The following ABHD5 variants were observed in gnomAD, a reference collection of about 807,000 sequenced individuals.
ABHD5 encodes 1-acylglycerol-3-phosphate O-acyltransferase ABHD5.
A neutral mutation model predicts 44.9 loss-of-function variants in ABHD5; 30 were observed. That is an observed-to-expected ratio of 0.67 (90% CI 0.50 to 0.91). The LOEUF is 0.91. ABHD5 is among the 40% of genes least tolerant of loss of function. The pLI is 0.00. For missense variants in ABHD5, 399 were observed against 423.4 expected (o/e 0.94, Z 0.50); for synonymous variants, 167 against 147.0 (o/e 1.14, Z -0.99).
In ABHD5 at chr3:43,704,273, A is replaced by G. The variant is rs192017452; in HGVS notation, c.506+1686A>G. ...AGGCTGGTCTCAAACTCTTGACCTC[A>G]GGAGATCCGCCTGCCTTGGCCTCCC... On this transcript the variant is annotated intron_variant, in intron 3 of 6. Coordinates refer to ENST00000644371, the MANE Select transcript of ABHD5 (RefSeq NM_016006.6). 2.5e-3 allele frequency among the ~76,000 whole-genome samples: 384 copies of G among 152,256 alleles called. 2 individuals carry two copies. The highest frequency in any genetic ancestry group is 9.8e-3 in the South Asian group (47 of 4,818).
chr3:43,700,135 CTT>C (rs1336425753), intron 2 of ABHD5, among the ~76,000 whole-genome samples: 1 of 152,178 alleles, frequency 6.6e-6, no homozygotes, highest in African/African-American at 2.4e-5. Flanking sequence ...GGACAAGTCA[CTT>C]TGCTCAGCTT....
At chr3:43,700,826 G>A (rs1001452283) in intron 2 of ABHD5, among the ~76,000 whole-genome samples, 6 of 151,894 alleles carry the variant, frequency 4.0e-5, no homozygotes, top group South Asian at 2.1e-4. Context: ...CACCTGCCTC[G>A]GCCTCCCAAA....
At chr3:43,731,158 T>C (rs1409263613) in intron 7 of ABHD5, among the ~76,000 whole-genome samples, 1 of 152,146 alleles carries the variant, frequency 6.6e-6, no homozygotes, top group Non-Finnish European at 1.5e-5. Context: ...TGAATTTCCT[T>C]GTGGCCCCAG....
intron 3 of ABHD5, among the ~76,000 whole-genome samples, chr3:43,704,776 T>G (rs1057440576): frequency 2.1e-4 from 32 of 152,200 alleles, no homozygotes; most frequent in African/African-American, 6.8e-4. Context: ...CTAATAATAT[T>G]TTAGAAAATG....
rs764343486 is a variant in ABHD5, at chr3:43,714,928, T to G, written c.662-19T>G. 1.9e-6 allele frequency: 3 copies of G among 1,570,536 alleles called. No homozygotes were observed. The highest frequency in any genetic ancestry group is 2.6e-6 in the Non-Finnish European group (3 of 1,140,996). On this transcript the variant is annotated intron_variant, in intron 4 of 6. Coordinates refer to ENST00000644371, the MANE Select transcript of ABHD5 (RefSeq NM_016006.6). ...ACTATAATTTAAAACATGCATTTTT[T>G]AAATTTCCTGTTAAATAGGTTTAAG...
In ABHD5 at chr3:43,721,427, G is replaced by A. The variant is rs769145015; in HGVS notation, c.*2895G>A. On this transcript the variant is annotated 3_prime_UTR_variant, in exon 7 of 7. Transcript: ENST00000644371. ...AAATTCAGAAGCAATAAAAAGAGAA[G>A]TCTATAGAAGAATTTTCAGCCAGAT... The A allele has an allele frequency of 7.9e-5, 12 of 151,968 alleles. No individual in the cohort carries two copies. The highest frequency in any genetic ancestry group is 1.6e-4 in the Non-Finnish European group (11 of 67,990). 9.4% of individuals were successfully genotyped at this position (151,968 alleles called of 1,614,324 possible). A position where few individuals can be genotyped will look rare whatever the true frequency, so the allele number is the denominator to read the frequency against.
chr3:43,694,295 T>C (rs1350143237), intron 1 of ABHD5, among the ~76,000 whole-genome samples: 1 of 151,540 alleles, frequency 6.6e-6, no homozygotes, highest in African/African-American at 2.4e-5. Context: ...GTTCTTCCTC[T>C]TGAAACATTA....
Position 43,719,032 on chromosome 3 carries a change from A to T in ABHD5, c.*500A>T, listed in dbSNP as rs539522541. 1.3e-5 allele frequency: 2 copies of T among 154,200 alleles called. No individual in the cohort carries two copies. Among genetic ancestry groups the T allele is most frequent in the African/African-American group, 4.8e-5 (2 of 41,594 alleles). The allele number at this position is 154,200 out of a possible 1,614,324, so 9.6% of individuals were successfully genotyped here. ...TGTAAAAATTTGTCAGTTGTTTAGA[A>T]TATTTCACTTTGTTTTTGAAACGGA... On this transcript the variant is annotated 3_prime_UTR_variant, in exon 7 of 7. Transcript: ENST00000644371.
intron 3 of ABHD5, among the ~76,000 whole-genome samples, chr3:43,708,784 CT>C (rs1365875073): frequency 6.6e-6 from 1 of 152,110 alleles, no homozygotes; most frequent in Admixed American, 6.6e-5. Context: ...TATGTTCAAA[CT>C]TTTTTTACTA....
At chr3:43,729,907 G>A (rs900590220) in intron 7 of ABHD5, among the ~76,000 whole-genome samples, 1 of 152,314 alleles carries the variant, frequency 6.6e-6, no homozygotes, top group Admixed American at 6.5e-5. Context: ...TCCTTTGTGT[G>A]CTCTTGTTAA....
rs1305624278 is a variant in ABHD5 at position 43,719,367 on chromosome 3, A to G, written c.*835A>G. 1.3e-5 allele frequency: 2 copies of G among 152,182 alleles called. No homozygotes were observed. The highest frequency in any genetic ancestry group is 4.8e-5 in the African/African-American group (2 of 41,458). 9.4% of individuals were successfully genotyped at this position (152,182 alleles called of 1,614,324 possible). On this transcript the variant is annotated 3_prime_UTR_variant, in exon 7 of 7. Transcript: ENST00000644371. ...CATGACCCAGGATGCAGCAAATGAA[A>G]CAGATTTCTTCTCTTAAGGGGATAT...
chr3:43,692,316 T>C (rs1286348442), intron 1 of ABHD5, among the ~76,000 whole-genome samples: 1 of 152,226 alleles, frequency 6.6e-6, no homozygotes, highest in African/African-American at 2.4e-5. Flanking sequence ...TGCACTGAGG[T>C]GAAATGTTGA....
At position 43,718,750 on chromosome 3, in the gene ABHD5, A is replaced by G. The variant is rs2084799847; in HGVS notation, c.*218A>G. Reference sequence around the variant, plus strand: ...TTTCTCCTACACAAAATTGAAATATACAAGTCTCTAAATATAATACCTTTA... The same window carrying G: ...TTTCTCCTACACAAAATTGAAATATGCAAGTCTCTAAATATAATACCTTTA... On this transcript the variant is annotated 3_prime_UTR_variant, in exon 7 of 7. Transcript: ENST00000644371. 2 of 546,762 alleles carry G rather than the reference A, an allele frequency of 3.7e-6. No homozygotes were observed. The highest frequency in any genetic ancestry group is 3.8e-5 in the African/African-American group (2 of 52,772). The allele number at this position is 546,762 out of a possible 1,614,324, so 33.9% of individuals were successfully genotyped here. A position where few individuals can be genotyped will look rare whatever the true frequency, so the allele number is the denominator to read the frequency against.
At chr3:43,723,263 A>G (rs949123483), downstream of ABHD5, among the ~76,000 whole-genome samples, 4 of 152,226 alleles carry the variant, frequency 2.6e-5, no homozygotes, top group African/African-American at 9.6e-5. Flanking sequence ...AAAATTGTTC[A>G]TGGGAAAAAT....
rs575484148 is a variant in ABHD5, at chr3:43,702,620, A to G, written c.506+33A>G. Reference sequence around the variant, plus strand: ...GTGGTGACAGAAGAGAGGGATTATAACTGTGCTTCCAAGTACCAGACTCTA... The same window carrying G: ...GTGGTGACAGAAGAGAGGGATTATAGCTGTGCTTCCAAGTACCAGACTCTA... On this transcript the variant is annotated intron_variant, in intron 3 of 6. Transcript: ENST00000644371. 7 of 1,613,998 alleles carry G rather than the reference A, an allele frequency of 4.3e-6. No homozygotes were observed. The East Asian group carries it at 1.6e-4, about 36-fold the overall frequency.
At chr3:43,702,671 G>A in intron 3 of ABHD5, 84 bp downstream of exon 3, 2 of 1,603,100 alleles carry the variant, frequency 1.2e-6, no homozygotes, top group Admixed American at 1.7e-5. Flanking sequence ...GGTTGTTAGT[G>A]TCTGAGCCAC....
At position 43,719,282 on chromosome 3, in the gene ABHD5, T is replaced by C. The variant is rs1242758841; in HGVS notation, c.*750T>C. 1 of 152,232 alleles carries C rather than the reference T, an allele frequency of 6.6e-6. No homozygotes were observed. The highest frequency in any genetic ancestry group is 2.4e-5 in the African/African-American group (1 of 41,460). The allele number at this position is 152,232 out of a possible 1,614,324, so 9.4% of individuals were successfully genotyped here. A position where few individuals can be genotyped will look rare whatever the true frequency, so the allele number is the denominator to read the frequency against. On this transcript the variant is annotated 3_prime_UTR_variant, in exon 7 of 7. Transcript: ENST00000644371. ...ACTTCAATACTTTCAGTGATTCAGG[T>C]ACTGAAAAGCCTTACCTAAAAGGCT...
chr3:43,691,025 C>G lies in ABHD5; in HGVS notation c.33C>G (p.Ala11=). 1 of 1,562,816 alleles carries G rather than the reference C, an allele frequency of 6.4e-7. No individual in the cohort carries two copies. The highest frequency in any genetic ancestry group is 8.6e-7 in the Non-Finnish European group (1 of 1,157,006). The change falls in exon 1 of 7, where the codon GCC becomes GCG. Residue 11 remains alanine (A), a synonymous_variant. Coordinates refer to ENST00000644371, the MANE Select transcript of ABHD5 (RefSeq NM_016006.6). ...CGGAGGAGGAGGAGGTGGACTCTGC[C>G]GACACCGGAGAGAGGTAAGCGCAGC... The part of the protein sequence containing the change: MAAEEEEVDS[A]DTGERSGWLT...
At chr3:43,706,691 T>G (rs1051631952) in intron 3 of ABHD5, among the ~76,000 whole-genome samples, 5 of 152,210 alleles carry the variant, frequency 3.3e-5, no homozygotes, top group Admixed American at 6.5e-5. Flanking sequence ...TGGCCTCGAA[T>G]GATCCTCCTG....
Sources: gnomAD v4.1 joint callset for allele counts (sites outside exome capture counted in the v4.1 genomes callset) on GRCh38, gnomAD v4.1.1 for gene constraint, MANE v1.5 for transcripts, NCBI Gene and HGNC (gene_info 2026-07-23, HGNC 2026-07-21) for gene names.